The following ABCB9 variants were observed in gnomAD, a reference collection of about 807,000 sequenced individuals.
The protein encoded by ABCB9 is ATP binding cassette subfamily B member 9.
Under a neutral mutation model 62.0 loss-of-function variants are expected in ABCB9, and 36 were observed. That is an observed-to-expected ratio of 0.58 (90% CI 0.45 to 0.77). The LOEUF (loss-of-function observed/expected upper bound fraction) is 0.77, where lower values mean the gene tolerates loss of function less well. Ranked by LOEUF, ABCB9 falls within the 30% of genes least tolerant of loss-of-function variation. ABCB9 has a pLI of 0.00. For missense variants in ABCB9, 943 were observed against 1,054.7 expected, an observed-to-expected ratio of 0.89 and a Z score of 1.47; for synonymous variants, 435 against 461.4, an observed-to-expected ratio of 0.94 and a Z score of 0.73.
chr12:122,920,901 A>T, downstream of ABCB9: 1 of 924,536 alleles, frequency 1.1e-6, no homozygotes, highest in Non-Finnish European at 1.7e-6. Context: ...CAACAGAGTG[A>T]GACCCCTGTC....
In ABCB9 at chr12:122,960,177, A is replaced by G; in HGVS notation, c.59T>C (p.Val20Ala). Residue 20 changes from valine (V) to alanine (A), a missense_variant, in exon 2 of 12, where the codon GTG (valine) becomes GCG (alanine). Transcript: ENST00000280560. ...GCTGAAGACATAGATGGCCGTGGTC[A>G]CGCAGATGTCCACACTCATGAAGGC... ...TLAFMSVDIC[V>A]TTAIYVFSHL... 2 of 1,613,638 alleles carry G rather than the reference A, an allele frequency of 1.2e-6. No homozygotes were observed. The highest frequency in any genetic ancestry group is 8.5e-7 in the Non-Finnish European group (1 of 1,180,040).
intron 1 of ABCB9, among the ~76,000 whole-genome samples, chr12:122,963,561 A>T (rs1227412149): frequency 6.6e-6 from 1 of 152,050 alleles, no homozygotes; most frequent in African/African-American, 2.4e-5. Flanking sequence ...TGACCCACAG[A>T]GTTGGGTCAC....
chr12:122,944,692 G>T lies in ABCB9; in HGVS notation c.1252-173C>A. 1 of 863,046 alleles carries T rather than the reference G, an allele frequency of 1.2e-6. No individual in the cohort carries two copies. The highest frequency in any genetic ancestry group is 1.7e-6 in the Non-Finnish European group (1 of 584,324). The allele number at this position is 863,046 out of a possible 1,614,324, so 53.5% of individuals were successfully genotyped here. ...AGGCTTGTCACTCATGCCTTCCCCT[G>T]CCCCGAGCATTTCCCTACAGAGGCC... On this transcript the variant is annotated intron_variant, in intron 6 of 11. Transcript: ENST00000280560. This position sits in a 1 kb window ranked among gnomAD's most constrained non-coding sequence, Gnocchi z 4.9.
chr12:122,956,020 T>C (rs2036597913), intron 2 of ABCB9, among the ~76,000 whole-genome samples: 1 of 152,202 alleles, frequency 6.6e-6, no homozygotes, highest in African/African-American at 2.4e-5. Flanking sequence ...CCTGAACATA[T>C]GATTTTTATG....
chr12:122,940,781 T>A lies in ABCB9; in HGVS notation c.1569+26A>T. 1 of 1,542,040 alleles carries A rather than the reference T, an allele frequency of 6.5e-7. No homozygotes were observed. The highest frequency in any genetic ancestry group is 8.8e-7 in the Non-Finnish European group (1 of 1,136,402). On this transcript the variant is annotated intron_variant, in intron 8 of 11. Transcript: ENST00000280560. This position sits in a 1 kb window ranked among gnomAD's most constrained non-coding sequence, Gnocchi z 4.8. ...AATGGGGTGACGGAAAGGCTGATTC[T>A]GGCAGGCCTCAAGCCGCGCCCTCAC... is the stretch of plus-strand genomic sequence containing the variant.
chr12:122,970,771 G>GTCGT (rs748706070), upstream of ABCB9, among the ~76,000 whole-genome samples: 4 of 152,196 alleles, frequency 2.6e-5, no homozygotes, highest in Non-Finnish European at 5.9e-5. Flanking sequence ...CAACTATGAT[G>GTCGT]TCGTTCAGCA....
downstream of ABCB9, chr12:122,920,863 A>G: frequency 1.6e-6 from 1 of 623,876 alleles, no homozygotes; most frequent in Non-Finnish European, 2.8e-6. Flanking sequence ...CAGTGAGGTG[A>G]GATCGTACCA....
At chr12:122,949,696 C>T in intron 4 of ABCB9, 92 bp downstream of exon 4, 1 of 1,517,518 alleles carries the variant, frequency 6.6e-7, no homozygotes, top group South Asian at 1.2e-5. Context: ...GGGCTGAGAC[C>T]ACCCACACGC....
intron 2 of ABCB9, among the ~76,000 whole-genome samples, chr12:122,955,571 A>G (rs1167565752): frequency 6.6e-6 from 1 of 152,216 alleles, no homozygotes; most frequent in Non-Finnish European, 1.5e-5. Context: ...CATACATAAC[A>G]GGGTCTTGCT....
chr12:122,931,935 C>A (rs1174099302), intron 11 of ABCB9: 1 of 603,002 alleles, frequency 1.7e-6, no homozygotes, highest in Non-Finnish European at 2.9e-6. Context: ...TAAGCCACCA[C>A]TCATGACCCA....
chr12:122,972,169 C>A (rs570269366), intron 1 of ABCB9, among the ~76,000 whole-genome samples: 1 of 151,382 alleles, frequency 6.6e-6, no homozygotes, highest in Non-Finnish European at 1.5e-5. Context: ...CTCAGCCTCC[C>A]GAGCAGCTGG....
chr12:122,920,734 G>A (rs567432858), downstream of ABCB9, among the ~76,000 whole-genome samples: 11 of 150,548 alleles, frequency 7.3e-5, no homozygotes, highest in East Asian at 7.8e-4. Flanking sequence ...GTGAAACCCC[G>A]TTTCTACAAA....
Position 122,929,841 on chromosome 12 carries a change from G to T in ABCB9, c.*70C>A. The T allele has an allele frequency of 1.4e-6, 2 of 1,457,486 alleles. No individual in the cohort carries two copies. Among genetic ancestry groups the T allele is most frequent in the Non-Finnish European group, 1.8e-6 (2 of 1,108,036 alleles). 90.3% of individuals were successfully genotyped at this position (1,457,486 alleles called of 1,614,324 possible). A position where few individuals can be genotyped will look rare whatever the true frequency, so the allele number is the denominator to read the frequency against. On this transcript the variant is annotated 3_prime_UTR_variant, in exon 12 of 12. Transcript: ENST00000280560. The surrounding 1 kb of genome is among the most constrained non-coding windows in gnomAD (Gnocchi z 6.0). The stretch of plus-strand genomic sequence containing the variant: ...GCCTGGGCTCGGAGGGCAGCTGGGG[G>T]CCTCCGTGGGCACATCTGCCAGGCA...
chr12:122,943,484 A>C (rs992295540), intron 7 of ABCB9, among the ~76,000 whole-genome samples: 2 of 152,204 alleles, frequency 1.3e-5, no homozygotes, highest in Non-Finnish European at 2.9e-5. Context: ...GTTCCCGAGC[A>C]AATGTGATGG....
At chr12:122,971,279 C>T (rs2037267341), upstream of ABCB9, among the ~76,000 whole-genome samples, 1 of 150,094 alleles carries the variant, frequency 6.7e-6, no homozygotes, top group Middle Eastern at 3.4e-3. Flanking sequence ...CCCAGCTACT[C>T]AGGAGGCTGA....
intron 1 of ABCB9, among the ~76,000 whole-genome samples, chr12:122,962,375 G>T (rs527581220): frequency 2.0e-5 from 3 of 152,296 alleles, no homozygotes; most frequent in South Asian, 4.1e-4. Context: ...CCCCCAAGAG[G>T]AGGGGTGAGG....
intron 6 of ABCB9, 148 bp downstream of exon 6, chr12:122,945,877 C>CA (rs766455584): frequency 0.086 from 40,728 of 471,960 alleles, 1,438 homozygotes; most frequent in African/African-American, 0.32. Flanking sequence ...GGCTCTGTCT[C>CA]AAAAAAAAAA....
intron 1 of ABCB9, among the ~76,000 whole-genome samples, chr12:122,961,364 A>G (rs2036897194): frequency 6.6e-6 from 1 of 151,282 alleles, no homozygotes; most frequent in Admixed American, 6.6e-5. Context: ...AACTTTTTGT[A>G]TTTTTTTTAG....
rs532642160 is a variant in ABCB9, at chr12:122,942,412, A to AT, written c.1381-1418_1381-1417insA. On this transcript the variant is annotated intron_variant, in intron 7 of 11. Transcript: ENST00000280560. ...AGATCAGCCTGGCCAACATGGTGCAACCCCATTTCTACTGAAAATACAATT... is the reference window on the plus strand; with the variant it reads ...AGATCAGCCTGGCCAACATGGTGCAATCCCCATTTCTACTGAAAATACAATT... Among the ~76,000 whole-genome samples the AT allele has an allele frequency of 6.3e-3, 954 of 151,842 alleles. 13 individuals carry two copies. The highest frequency in any genetic ancestry group is 0.022 in the African/African-American group (920 of 41,330).
Sources: gnomAD v4.1 joint callset for allele counts (sites outside exome capture counted in the v4.1 genomes callset) on GRCh38, gnomAD v4.1.1 for gene constraint, Gnocchi (gnomAD v3.1) non-coding constraint, MANE v1.5 for transcripts, NCBI Gene and HGNC (gene_info 2026-07-23, HGNC 2026-07-21) for gene names.